Variants in ACAD10 observed in about 807,000 individuals in gnomAD.
ACAD10 encodes ACAD-10.
Under a neutral mutation model 116.8 loss-of-function variants are expected in ACAD10, and 112 were observed. The observed-to-expected ratio is 0.96, with a 90% CI of 0.82 to 1.12. The LOEUF (loss-of-function observed/expected upper bound fraction) is 1.12. ACAD10 is among the 50% of genes most tolerant of loss of function. The pLI, the probability that ACAD10 is intolerant of heterozygous loss-of-function variation, is 0.00. For missense variants in ACAD10, 1,259 were observed against 1,350.2 expected (o/e 0.93, Z 1.06); for synonymous variants, 486 against 510.6 (o/e 0.95, Z 0.65).
chr12:111,702,581 AT>A (rs1888379289), intron 3 of ACAD10, among the ~76,000 whole-genome samples: 1 of 152,062 alleles, frequency 6.6e-6, no homozygotes, highest in Non-Finnish European at 1.5e-5. Flanking sequence ...AATACAAAAA[AT>A]TAGCTGGCTG....
intron 19 of ACAD10, among the ~76,000 whole-genome samples, chr12:111,755,392 C>T (rs1890181107): frequency 6.6e-6 from 1 of 152,130 alleles, no homozygotes; most frequent in Admixed American, 6.6e-5. Context: ...AGGCCTGAAC[C>T]ACCGCGCCTG....
intron 14 of ACAD10, 107 bp downstream of exon 14, chr12:111,746,391 C>CAT: frequency 9.9e-7 from 1 of 1,012,790 alleles, no homozygotes; most frequent in Non-Finnish European, 1.3e-6. Flanking sequence ...TGAACTTGAA[C>CAT]TTTTTTTTTT....
intron 8 of ACAD10, among the ~76,000 whole-genome samples, chr12:111,727,737 A>G (rs1047121651): frequency 6.6e-6 from 1 of 151,974 alleles, no homozygotes; most frequent in Non-Finnish European, 1.5e-5. Flanking sequence ...GTGTGTATGT[A>G]TATGTGTGTG....
intron 7 of ACAD10, 71 bp downstream of exon 7, chr12:111,716,033 A>G (rs1888837909): frequency 6.3e-7 from 1 of 1,585,700 alleles, no homozygotes. Context: ...CCTAAACTGA[A>G]AAGTCAGCAC....
At chr12:111,745,835 CTTTTTTTTT>C (rs532150491) in intron 13 of ACAD10, among the ~76,000 whole-genome samples, 1 of 104,766 alleles carries the variant, frequency 9.5e-6, no homozygotes, top group African/African-American at 3.7e-5. Flanking sequence ...CCATCTCTCT[CTTTTTTTTT>C]TTTTTTTTTT....
chr12:111,710,154 A>T, intron 5 of ACAD10: 1 of 353,820 alleles, frequency 2.8e-6, no homozygotes, highest in South Asian at 2.0e-5. Context: ...CAGTGGTGCA[A>T]TCATAGCTCA....
chr12:111,725,578 A>G (rs1889189957), intron 8 of ACAD10, among the ~76,000 whole-genome samples: 1 of 148,424 alleles, frequency 6.7e-6, no homozygotes, highest in African/African-American at 2.5e-5. Context: ...TCTGTTGCCC[A>G]GGCTGGAGCG....
chr12:111,719,289 T>C (rs1888944907), intron 7 of ACAD10, among the ~76,000 whole-genome samples: 1 of 152,206 alleles, frequency 6.6e-6, no homozygotes, highest in African/African-American at 2.4e-5. Flanking sequence ...AGTCTTGGTC[T>C]GTCACCCAGG....
chr12:111,734,716 A>G (rs1889497124), intron 11 of ACAD10, among the ~76,000 whole-genome samples: 1 of 152,234 alleles, frequency 6.6e-6, no homozygotes, highest in South Asian at 2.1e-4. Context: ...TAGTAGTCCC[A>G]GAGATAACCA....
At chr12:111,740,291 G>A (rs1173152124) in intron 12 of ACAD10, among the ~76,000 whole-genome samples, 6 of 151,958 alleles carry the variant, frequency 3.9e-5, no homozygotes, top group South Asian at 2.1e-4. Context: ...GTGAAACCCC[G>A]TCTCCACTAA....
intron 12 of ACAD10, among the ~76,000 whole-genome samples, chr12:111,737,844 G>T (rs1226332192): frequency 6.8e-6 from 1 of 147,426 alleles, no homozygotes; most frequent in Non-Finnish European, 1.5e-5. Context: ...ATTTCTTGGT[G>T]TGTGTGTGTG....
chr12:111,740,412 G>C (rs1889700838), intron 12 of ACAD10, among the ~76,000 whole-genome samples: 2 of 147,176 alleles, frequency 1.4e-5, no homozygotes, highest in African/African-American at 5.1e-5. Flanking sequence ...AGTGAGCAGA[G>C]ATCGTGCCAC....
intron 8 of ACAD10, among the ~76,000 whole-genome samples, chr12:111,722,496 C>G (rs972654600): frequency 6.6e-6 from 1 of 151,826 alleles, no homozygotes; most frequent in African/African-American, 2.4e-5. Context: ...AACAAGTGAA[C>G]AAAGGTCTCT....
rs1031503965 is a variant in ACAD10 at position 111,743,824 on chromosome 12, G to T, written c.1715-819G>T. 3.3e-5 allele frequency among the ~76,000 whole-genome samples: 5 copies of T among 152,038 alleles called. No homozygotes were observed. In the South Asian group the frequency reaches 6.2e-4, roughly 19 times the overall value. ...TGCAATGGCACGATCTCGGCTCACTGCAACCTCTGCCTCCCAGGTTCAAGC... is the reference window on the plus strand; with the variant it reads ...TGCAATGGCACGATCTCGGCTCACTTCAACCTCTGCCTCCCAGGTTCAAGC... On this transcript the variant is annotated intron_variant, in intron 12 of 20. Transcript: ENST00000313698.
At chr12:111,739,261 T>A (rs551717647) in intron 12 of ACAD10, among the ~76,000 whole-genome samples, 22 of 152,272 alleles carry the variant, frequency 1.4e-4, no homozygotes, top group African/African-American at 5.1e-4. Context: ...ACACTGACTC[T>A]GCCCAGGTCT....
intron 7 of ACAD10, among the ~76,000 whole-genome samples, chr12:111,716,812 G>T (rs555350051): frequency 6.6e-6 from 1 of 152,156 alleles, no homozygotes; most frequent in Non-Finnish European, 1.5e-5. Context: ...GCCGAGGTGG[G>T]CACCACTGCA....
chr12:111,700,030 T>C (rs1223386844), intron 2 of ACAD10, among the ~76,000 whole-genome samples: 1 of 152,054 alleles, frequency 6.6e-6, no homozygotes, highest in Admixed American at 6.6e-5. Flanking sequence ...AGTAAACAAG[T>C]GTGGTTGTGT....
intron 11 of ACAD10, among the ~76,000 whole-genome samples, chr12:111,736,404 C>T (rs546577814): frequency 1.3e-5 from 2 of 151,088 alleles, no homozygotes; most frequent in South Asian, 2.1e-4. Flanking sequence ...TTGGTCAGGC[C>T]GGTCTTGAAC....
At position 111,756,408 on chromosome 12, in the gene ACAD10, G is replaced by A. The variant is rs776225853; in HGVS notation, c.3115G>A (p.Ala1039Thr). The change falls in exon 21 of 21, where the codon GCC (alanine) becomes ACC (threonine). Residue 1039 changes from alanine (A) to threonine (T), a missense_variant. Physicochemically the swap from Ala to Thr is moderately conservative, Grantham distance 58. Coordinates refer to ENST00000313698, the MANE Select transcript of ACAD10 (RefSeq NM_025247.6). ...CACCTGGGCCCGAGCCCTGCGCTTTGCCGACGGCCCTGACGAGGTGCACCG... is the reference window on the plus strand; with the variant it reads ...CACCTGGGCCCGAGCCCTGCGCTTTACCGACGGCCCTGACGAGGTGCACCG... ...FFTWARALRF[A>T]DGPDEVHRAT... 4 of 1,612,450 alleles carry A rather than the reference G, an allele frequency of 2.5e-6. No individual in the cohort carries two copies. The highest frequency in any genetic ancestry group is 3.4e-6 in the Non-Finnish European group (4 of 1,179,778).
Sources: gnomAD v4.1 joint callset for allele counts (sites outside exome capture counted in the v4.1 genomes callset) on GRCh38, gnomAD v4.1.1 for gene constraint, MANE v1.5 for transcripts, NCBI Gene and HGNC (gene_info 2026-07-23, HGNC 2026-07-21) for gene names.